The following GLYATL3 variants were observed in gnomAD, a reference collection of about 807,000 sequenced individuals.
GLYATL3 encodes glycine-N-acyltransferase like 3, also known as glycine N-acyltransferase-like protein 3.
A neutral mutation model predicts 28.5 loss-of-function variants in GLYATL3; 31 were observed. The ratio of observed to expected loss-of-function variants is 1.09; its 90% CI spans 0.82 to 1.47. The LOEUF is 1.47. Ranked by LOEUF, GLYATL3 falls within the 40% of genes most tolerant of loss-of-function variation. GLYATL3 has a pLI of 0.00. For synonymous variants in GLYATL3, 141 were observed against 140.2 expected (o/e 1.01, Z -0.04); for missense variants, 369 against 351.5 (o/e 1.05, Z -0.40).
chr6:49,521,658 G>A lies in GLYATL3; in HGVS notation c.327G>A (p.Glu109=), dbSNP rs1352572866. The change falls in exon 5 of 6, where the codon GAG becomes GAA. Residue 109 remains glutamate, a synonymous_variant. Transcript: ENST00000371197. ...TTCTATACACAGGGCTGCAGAGTGA[G>A]TTATATGATGTTTCCAAAGCGGTTG... ...QVFQIQGLQS[E]LYDVSKAVAN... 5 of 1,550,842 alleles carry A rather than the reference G, an allele frequency of 3.2e-6. No homozygotes were observed. Among genetic ancestry groups the A allele is most frequent in the Middle Eastern group, 1.7e-4 (1 of 6,014 alleles).
At chr6:49,504,240 CTTT>C (rs59768534) in intron 1 of GLYATL3, among the ~76,000 whole-genome samples, 1 of 139,266 alleles carries the variant, frequency 7.2e-6, no homozygotes. Flanking sequence ...TTTTCTTTTT[CTTT>C]TTTTTTTTTT....
In GLYATL3 at chr6:49,515,724, G is replaced by A. The variant is rs139674506; in HGVS notation, c.150G>A (p.Pro50=). ...FQKEVVLDSW[P]DFKAVITRRQ... Reference sequence around the variant, plus strand: ...AGGAAGTGGTGTTGGATTCATGGCCGGATTTCAAAGCTGTTATCACCCGAC... The same window carrying A: ...AGGAAGTGGTGTTGGATTCATGGCCAGATTTCAAAGCTGTTATCACCCGAC... Residue 50 remains proline, a synonymous_variant, in exon 3 of 6, where the codon CCG becomes CCA. Coordinates refer to ENST00000371197, the MANE Select transcript of GLYATL3 (RefSeq NM_001010904.2). 9.7e-6 allele frequency: 15 copies of A among 1,550,472 alleles called. No individual in the cohort carries two copies. Among genetic ancestry groups the A allele is most frequent in the African/African-American group, 5.5e-5 (4 of 73,106 alleles).
In GLYATL3 at chr6:49,503,169, A is replaced by AG. The variant is rs538785274; in HGVS notation, c.-29+3134dup. Among the ~76,000 whole-genome samples the AG allele has an allele frequency of 1.8e-3, 266 of 149,126 alleles. 1 individual carries two copies. Among genetic ancestry groups the AG allele is most frequent in the Non-Finnish European group, 2.4e-3 (164 of 67,346 alleles). On this transcript the variant is annotated intron_variant, in intron 1 of 5. Coordinates refer to ENST00000371197, the MANE Select transcript of GLYATL3 (RefSeq NM_001010904.2). The stretch of plus-strand genomic sequence containing the variant: ...AGAGGTGGTGTGGGGACATTAGCAA[A>AG]GGGGGGGATATAAGTCCTCATCATC...
chr6:49,508,409 C>T (rs1023550872), intron 1 of GLYATL3, among the ~76,000 whole-genome samples: 1 of 152,174 alleles, frequency 6.6e-6, no homozygotes. Flanking sequence ...AAGCTGGTTA[C>T]AAACAATCCA....
At chr6:49,502,816 G>A (rs898858719) in intron 1 of GLYATL3, among the ~76,000 whole-genome samples, 1 of 152,064 alleles carries the variant, frequency 6.6e-6, no homozygotes, top group Non-Finnish European at 1.5e-5. Flanking sequence ...ATAATTTTCT[G>A]TAGAATATTA....
intron 3 of GLYATL3, among the ~76,000 whole-genome samples, chr6:49,516,762 C>A (rs1769222000): frequency 6.6e-6 from 1 of 151,810 alleles, no homozygotes; most frequent in Non-Finnish European, 1.5e-5. Flanking sequence ...CCACTGCACT[C>A]CAGCCTGGGC....
chr6:49,513,076 A>G (rs1769151984), intron 2 of GLYATL3, among the ~76,000 whole-genome samples: 1 of 152,250 alleles, frequency 6.6e-6, no homozygotes, highest in Non-Finnish European at 1.5e-5. Flanking sequence ...TGCTTTAATA[A>G]TATGTCCAAA....
At chr6:49,505,609 A>G (rs1487490114) in intron 1 of GLYATL3, among the ~76,000 whole-genome samples, 1 of 152,236 alleles carries the variant, frequency 6.6e-6, no homozygotes, top group Non-Finnish European at 1.5e-5. Flanking sequence ...ATGATTATCA[A>G]TAGTGCCAAC....
At chr6:49,525,171 G>A (rs571356775) in intron 5 of GLYATL3, among the ~76,000 whole-genome samples, 22 of 149,496 alleles carry the variant, frequency 1.5e-4, no homozygotes, top group African/African-American at 5.4e-4. Flanking sequence ...GAGGATTTCA[G>A]CAGAGTCAGG....
intron 1 of GLYATL3, among the ~76,000 whole-genome samples, chr6:49,500,843 T>C (rs1440347679): frequency 6.6e-6 from 1 of 152,246 alleles, no homozygotes; most frequent in African/African-American, 2.4e-5. Flanking sequence ...CAAAAATGTG[T>C]AGAAAATATT....
intron 1 of GLYATL3, among the ~76,000 whole-genome samples, chr6:49,501,255 A>C (rs929200014): frequency 6.6e-6 from 1 of 151,990 alleles, no homozygotes. Context: ...TATAAAAAAA[A>C]CTAGCCAGGC....
chr6:49,501,335 G>A (rs1229701961), intron 1 of GLYATL3, among the ~76,000 whole-genome samples: 1 of 152,162 alleles, frequency 6.6e-6, no homozygotes, highest in Non-Finnish European at 1.5e-5. Context: ...TTGTTCCTAG[G>A]TGGATTGGCA....
intron 4 of GLYATL3, among the ~76,000 whole-genome samples, chr6:49,517,955 CTTTTA>C (rs1396992029): frequency 6.6e-6 from 1 of 152,078 alleles, no homozygotes; most frequent in Non-Finnish European, 1.5e-5. Context: ...ATAGGTAGGC[CTTTTA>C]TTTTTTCTGA....
At chr6:49,513,315 A>C (rs1411596444) in intron 2 of GLYATL3, among the ~76,000 whole-genome samples, 1 of 152,038 alleles carries the variant, frequency 6.6e-6, no homozygotes, top group African/African-American at 2.4e-5. Context: ...CAGCACATTG[A>C]TATCCTTCTA....
chr6:49,517,520 G>A lies in GLYATL3; in HGVS notation c.277G>A (p.Asp93Asn). Residue 93 changes from aspartate to asparagine, a missense_variant, in exon 4 of 6, where the codon GAT becomes AAT. Transcript: ENST00000371197. ...TTATCGACAGCTATTGGAAGAATGTGATGTTTTTAACTGGGACCAAGTTTT... is the reference window on the plus strand; with the variant it reads ...TTATCGACAGCTATTGGAAGAATGTAATGTTTTTAACTGGGACCAAGTTTT... ...RAYRQLLEECDVFNWDQVFQI... is the reference protein window; with the variant it reads ...RAYRQLLEECNVFNWDQVFQI... The A allele has an allele frequency of 6.4e-7, 1 of 1,551,068 alleles. No homozygotes were observed. The highest frequency in any genetic ancestry group is 2.5e-5 in the East Asian group (1 of 40,804).
intron 4 of GLYATL3, among the ~76,000 whole-genome samples, chr6:49,520,492 C>T (rs1027930083): frequency 1.3e-5 from 2 of 152,142 alleles, no homozygotes; most frequent in African/African-American, 2.4e-5. Flanking sequence ...GCCAAGGCTC[C>T]GATACCACAC....
At chr6:49,506,711 G>T (rs987835284) in intron 1 of GLYATL3, among the ~76,000 whole-genome samples, 1 of 152,028 alleles carries the variant, frequency 6.6e-6, no homozygotes, top group Non-Finnish European at 1.5e-5. Flanking sequence ...AGACAAGGAC[G>T]GCTCAATAGT....
intron 1 of GLYATL3, among the ~76,000 whole-genome samples, chr6:49,503,713 C>T (rs996193155): frequency 3.9e-5 from 6 of 152,178 alleles, no homozygotes; most frequent in African/African-American, 1.4e-4. Flanking sequence ...GTCCTAAAGG[C>T]TTATATTGGG....
chr6:49,509,079 G>A (rs994610112), intron 1 of GLYATL3, among the ~76,000 whole-genome samples: 2 of 152,162 alleles, frequency 1.3e-5, no homozygotes, highest in Admixed American at 6.5e-5. Flanking sequence ...AAGAAAGAGT[G>A]TAAGGAGGAT....
Sources: gnomAD v4.1 joint callset for allele counts (sites outside exome capture counted in the v4.1 genomes callset) on GRCh38, gnomAD v4.1.1 for gene constraint, MANE v1.5 for transcripts, NCBI Gene and HGNC (gene_info 2026-07-23, HGNC 2026-07-21) for gene names.